The following PPP1R21 variants were observed in gnomAD, a reference collection of about 807,000 sequenced individuals.
PPP1R21 encodes the protein protein phosphatase 1 regulatory subunit 21.
PPP1R21 carries 85 observed loss-of-function variants against 112.8 expected under a neutral mutation model. The ratio of observed to expected loss-of-function variants is 0.75; its 90% CI spans 0.63 to 0.90. The LOEUF (loss-of-function observed/expected upper bound fraction) is 0.90. PPP1R21 is among the 40% of genes least tolerant of loss of function. The pLI, the probability that PPP1R21 is intolerant of heterozygous loss-of-function variation, is 0.00. For missense variants in PPP1R21, 1,199 were observed against 901.5 expected (o/e 1.33, Z -4.23); for synonymous variants, 381 against 322.3 (o/e 1.18, Z -1.95).
chr2:48,514,485 C>T (rs1210311014), intron 21 of PPP1R21, among the ~76,000 whole-genome samples: 1 of 151,976 alleles, frequency 6.6e-6, no homozygotes, highest in Non-Finnish European at 1.5e-5. Flanking sequence ...ATTTCCTGTC[C>T]TCAGCCCCGA....
intron 1 of PPP1R21, among the ~76,000 whole-genome samples, chr2:48,446,646 C>G (rs1296691940): frequency 6.6e-6 from 1 of 152,130 alleles, no homozygotes; most frequent in African/African-American, 2.4e-5. Flanking sequence ...AGTTCCTTCT[C>G]TATCCATAGC....
intron 21 of PPP1R21, among the ~76,000 whole-genome samples, chr2:48,513,616 G>A (rs184418185): frequency 1.3e-4 from 20 of 152,208 alleles, no homozygotes; most frequent in African/African-American, 3.1e-4. Flanking sequence ...TGATCATTCT[G>A]TAATCCTGTA....
rs527312991 is a variant in PPP1R21 at position 48,506,052 on chromosome 2, A to G, written c.1968+456A>G. Among the ~76,000 whole-genome samples, 5 of 152,334 alleles carry G rather than the reference A, an allele frequency of 3.3e-5. No individual in the cohort carries two copies. In the South Asian group the frequency reaches 1.0e-3, roughly 32 times the overall value. ...CCAGGTCAGATTTGGCCTGTCAGAT[A>G]GGTTTGCACTTTTGAATTTTGAAAT... On this transcript the variant is annotated intron_variant, in intron 18 of 21. Transcript: ENST00000294952.
chr2:48,447,950 AAAAT>A lies in PPP1R21; in HGVS notation c.58-3039_58-3036del, dbSNP rs1010069507. On this transcript the variant is annotated intron_variant, in intron 1 of 21. Transcript: ENST00000294952. Reference sequence around the variant, plus strand: ...GGGCAACAGAGCGAGACTCAGTCTCAAAATAAATAAATAAATAAATAATAAAATA... The same window carrying A: ...GGGCAACAGAGCGAGACTCAGTCTCAAAATAAATAAATAAATAATAAAATA... Among the ~76,000 whole-genome samples the A allele has an allele frequency of 2.2e-4, 33 of 152,006 alleles. 1 individual carries two copies. The highest frequency in any genetic ancestry group is 3.4e-3 in the Middle Eastern group (1 of 294).
chr2:48,444,243 G>C (rs1227976390), intron 1 of PPP1R21, among the ~76,000 whole-genome samples: 3 of 152,200 alleles, frequency 2.0e-5, no homozygotes, highest in Admixed American at 6.5e-5. Context: ...GTCATTTGAG[G>C]TTCTTAATAT....
intron 13 of PPP1R21, among the ~76,000 whole-genome samples, chr2:48,485,442 C>A (rs1202022560): frequency 6.6e-6 from 1 of 152,086 alleles, no homozygotes; most frequent in Non-Finnish European, 1.5e-5. Flanking sequence ...TTGGTTGGTT[C>A]CTTTTCTGTG....
intron 9 of PPP1R21, 112 bp from the exon 10 acceptor site, chr2:48,470,975 G>T: frequency 1.4e-6 from 1 of 719,636 alleles, no homozygotes; most frequent in Admixed American, 2.6e-5. Context: ...GCTGCAGTGA[G>T]CCATTATCAG....
At chr2:48,461,068 G>T (rs907518305) in intron 6 of PPP1R21, 70 bp from the exon 7 acceptor site, 1 of 1,519,036 alleles carries the variant, frequency 6.6e-7, no homozygotes, top group Non-Finnish European at 8.7e-7. Context: ...AGCTGTTGAG[G>T]TAACAAATAA....
rs533129222 is a variant in PPP1R21, at chr2:48,498,670, A to G, written c.1870A>G (p.Asn624Asp). The G allele has an allele frequency of 1.2e-6, 2 of 1,614,242 alleles. No homozygotes were observed. The highest frequency in any genetic ancestry group is 1.3e-5 in the African/African-American group (1 of 75,068). The part of the protein sequence containing the change: ...GLAQENAAVS[N>D]TAGQDEATAK... ...GGCCCAGGAAAATGCTGCTGTGTCA[A>G]ATACTGCTGGCCAGGATGAAGCCAC... Residue 624 changes from asparagine to aspartate, a missense_variant, in exon 17 of 22, where the codon AAT becomes GAT. Transcript: ENST00000294952.
chr2:48,495,348 C>T (rs966825202), intron 15 of PPP1R21, among the ~76,000 whole-genome samples: 3 of 151,980 alleles, frequency 2.0e-5, no homozygotes, highest in Non-Finnish European at 4.4e-5. Context: ...GGACTACAGG[C>T]GCGTGCCACC....
At position 48,500,486 on chromosome 2, in the gene PPP1R21, G is replaced by A. The variant is rs1049508720; in HGVS notation, c.1935+1751G>A. Among the ~76,000 whole-genome samples, 10 of 151,400 alleles carry A rather than the reference G, an allele frequency of 6.6e-5. No homozygotes were observed. In the South Asian group the frequency reaches 1.5e-3, roughly 22 times the overall value. On this transcript the variant is annotated intron_variant, in intron 17 of 21. Coordinates refer to ENST00000294952, the MANE Select transcript of PPP1R21 (RefSeq NM_001135629.3). ...CATTGTTTGTTCTGGGAGGTATGGG[G>A]GGAAAAAACCCAAGAATTAAAATTT...
intron 1 of PPP1R21, among the ~76,000 whole-genome samples, chr2:48,449,931 C>T (rs1340913744): frequency 6.6e-6 from 1 of 152,084 alleles, no homozygotes; most frequent in Admixed American, 6.5e-5. Context: ...GCTCTGTGTT[C>T]TCTTCACTGA....
At chr2:48,494,931 T>G (rs974319184) in intron 15 of PPP1R21, among the ~76,000 whole-genome samples, 1 of 152,140 alleles carries the variant, frequency 6.6e-6, no homozygotes, top group African/African-American at 2.4e-5. Flanking sequence ...GGTCTCGAAC[T>G]CCTGACCTCA....
chr2:48,505,328 G>A (rs549018287), intron 17 of PPP1R21, among the ~76,000 whole-genome samples: 1 of 152,340 alleles, frequency 6.6e-6, no homozygotes, highest in East Asian at 1.9e-4. Flanking sequence ...TGGCTAATCA[G>A]CATTTTGATA....
chr2:48,492,230 G>A (rs1669598376), intron 15 of PPP1R21, among the ~76,000 whole-genome samples: 1 of 152,128 alleles, frequency 6.6e-6, no homozygotes, highest in Non-Finnish European at 1.5e-5. Context: ...ATAATTATCA[G>A]TTTGATGTGT....
At chr2:48,456,607 A>C (rs11902595) in intron 3 of PPP1R21, among the ~76,000 whole-genome samples, 27,686 of 152,188 alleles carry the variant, frequency 0.18, 2,707 homozygotes, top group South Asian at 0.29. Context: ...TTTCCCATGT[A>C]ATGGGTAGTT....
intron 1 of PPP1R21, 104 bp downstream of exon 1, chr2:48,441,114 A>C: frequency 1.3e-6 from 1 of 782,802 alleles, no homozygotes; most frequent in Non-Finnish European, 2.2e-6. Context: ...GGGGCACGCG[A>C]GCGCGCCCCA....
At chr2:48,475,907 A>T (rs1668732547) in intron 12 of PPP1R21, among the ~76,000 whole-genome samples, 1 of 152,204 alleles carries the variant, frequency 6.6e-6, no homozygotes, top group Non-Finnish European at 1.5e-5. Context: ...ATTTTTAAGA[A>T]TGCCATAATT....
At chr2:48,466,153 T>A (rs2103823556) in intron 9 of PPP1R21, among the ~76,000 whole-genome samples, 1 of 152,048 alleles carries the variant, frequency 6.6e-6, no homozygotes, top group East Asian at 1.9e-4. Flanking sequence ...TTGGGAACTG[T>A]GGGAGCTAGA....
Sources: gnomAD v4.1 joint callset for allele counts (sites outside exome capture counted in the v4.1 genomes callset) on GRCh38, gnomAD v4.1.1 for gene constraint, MANE v1.5 for transcripts, NCBI Gene and HGNC (gene_info 2026-07-23, HGNC 2026-07-21) for gene names.